The following PCDH7 variants were observed in gnomAD, a reference collection of about 807,000 sequenced individuals.
PCDH7 encodes protocadherin-7.
A neutral mutation model predicts 58.9 loss-of-function variants in PCDH7; 17 were observed. The observed-to-expected ratio is 0.29, with a 90% confidence interval of 0.20 to 0.43. The LOEUF (loss-of-function observed/expected upper bound fraction) is 0.43, where lower values mean the gene tolerates loss of function less well. PCDH7 is among the 20% of genes least tolerant of loss of function. The pLI, the probability that PCDH7 is intolerant of heterozygous loss-of-function variation, is 1.00. For synonymous variants in PCDH7, 664 were observed against 616.4 expected (o/e 1.08, Z -1.14); for missense variants, 1,274 against 1,441.0 (o/e 0.88, Z 1.88).
At chr4:31,071,681 G>A (rs1348725112) in intron 3 of PCDH7, among the ~76,000 whole-genome samples, 1 of 152,024 alleles carries the variant, frequency 6.6e-6, no homozygotes, top group African/African-American at 2.4e-5. Flanking sequence ...TAGTTCATCT[G>A]CAGAGTGGTT....
At chr4:31,020,828 T>C (rs1753966744) in intron 3 of PCDH7, among the ~76,000 whole-genome samples, 2 of 152,206 alleles carry the variant, frequency 1.3e-5, no homozygotes, top group Admixed American at 1.3e-4. Context: ...GCTGTATATA[T>C]TCCCACTGTG....
intron 1 of PCDH7, among the ~76,000 whole-genome samples, chr4:30,849,966 C>A (rs910876177): frequency 1.3e-5 from 2 of 152,022 alleles, no homozygotes; most frequent in East Asian, 1.9e-4. Flanking sequence ...CATTACTTTG[C>A]CTATAGCATA....
downstream of PCDH7, chr4:31,146,001 A>G (rs1046597995): frequency 3.3e-5 from 5 of 152,104 alleles, no homozygotes; most frequent in Admixed American, 6.6e-5. Context: ...GAGTAACTAT[A>G]TAAATTTATG....
chr4:30,720,479 C>A lies in PCDH7; in HGVS notation c.-944C>A, dbSNP rs969281544. 6.5e-6 allele frequency: 1 copy of A among 152,758 alleles called. No homozygotes were observed. The highest frequency in any genetic ancestry group is 1.5e-5 in the Non-Finnish European group (1 of 68,104). The allele number at this position is 152,758 out of a possible 1,614,324, so 9.5% of individuals were successfully genotyped here. Reference sequence around the variant, plus strand: ...ACCCAAACTTGGGCACCGCACGGTGCGCACTGCTCAGCCTTCGCCCCCGTG... The same window carrying A: ...ACCCAAACTTGGGCACCGCACGGTGAGCACTGCTCAGCCTTCGCCCCCGTG... On this transcript the variant is annotated 5_prime_UTR_variant, in exon 1 of 2. It introduces an in-frame stop codon into an upstream open reading frame of the 5' UTR. Coordinates refer to ENST00000361762, the Ensembl canonical transcript of PCDH7. The surrounding 1 kb of genome is among the most constrained non-coding windows in gnomAD (Gnocchi z 4.7).
At chr4:30,813,848 G>A (rs577558530) in intron 1 of PCDH7, among the ~76,000 whole-genome samples, 18 of 152,112 alleles carry the variant, frequency 1.2e-4, no homozygotes, top group African/African-American at 4.1e-4. Context: ...GACCATGTTG[G>A]CCAGGCTGGT....
At chr4:31,103,629 A>G (rs1715181630) in intron 3 of PCDH7, among the ~76,000 whole-genome samples, 1 of 151,822 alleles carries the variant, frequency 6.6e-6, no homozygotes, top group Admixed American at 6.6e-5. Flanking sequence ...GAGCCTCCCA[A>G]TTTCTGTCTT....
intron 3 of PCDH7, among the ~76,000 whole-genome samples, chr4:31,075,273 G>A (rs2109259073): frequency 6.6e-6 from 1 of 152,050 alleles, no homozygotes; most frequent in East Asian, 1.9e-4. Context: ...TACTAATTTT[G>A]GGGATGACAT....
chr4:30,991,597 C>G (rs1218381355), intron 3 of PCDH7, among the ~76,000 whole-genome samples: 2 of 152,078 alleles, frequency 1.3e-5, no homozygotes, highest in Admixed American at 6.6e-5. Flanking sequence ...TTTAGATCCT[C>G]GGGTTCTCAT....
chr4:30,985,534 T>C (rs1750896799), intron 3 of PCDH7, among the ~76,000 whole-genome samples: 1 of 152,220 alleles, frequency 6.6e-6, no homozygotes, highest in African/African-American at 2.4e-5. Context: ...ACTAATTTTG[T>C]GACCTTGGAC....
chr4:31,146,558 GT>G (rs1402035033), downstream of PCDH7: 1 of 151,982 alleles, frequency 6.6e-6, no homozygotes, highest in African/African-American at 2.4e-5. Flanking sequence ...TGTTTGTAAT[GT>G]TAATCATTGA....
chr4:30,928,354 T>C lies in PCDH7; in HGVS notation c.287+7985T>C, dbSNP rs139087074. On this transcript the variant is annotated intron_variant, in intron 2 of 3. Coordinates refer to the PCDH7 transcript ENST00000509759. Reference sequence around the variant, plus strand: ...TGCAGGTTTTTAATAAGTAAAGTATTTTTTGCTTTGCTAATAAAGCAAAGT... The same window carrying C: ...TGCAGGTTTTTAATAAGTAAAGTATCTTTTGCTTTGCTAATAAAGCAAAGT... Among the ~76,000 whole-genome samples the C allele has an allele frequency of 2.0e-5, 3 of 152,312 alleles. No individual in the cohort carries two copies. The East Asian group carries it at 5.8e-4, about 29-fold the overall frequency.
intron 3 of PCDH7, among the ~76,000 whole-genome samples, chr4:31,090,234 C>A (rs921609419): frequency 2.6e-4 from 39 of 151,674 alleles, no homozygotes; most frequent in African/African-American, 9.4e-4. Context: ...TTCTGAAAGA[C>A]TTTATGAAAA....
intron 3 of PCDH7, among the ~76,000 whole-genome samples, chr4:31,136,019 C>G (rs1391504164): frequency 1.3e-5 from 2 of 152,198 alleles, no homozygotes; most frequent in Admixed American, 1.3e-4. Context: ...CATTCTTAAA[C>G]ATTTATTACA....
intron 2 of PCDH7, among the ~76,000 whole-genome samples, chr4:30,923,397 A>C (rs553283815): frequency 1.3e-5 from 2 of 152,284 alleles, no homozygotes; most frequent in African/African-American, 4.8e-5. Flanking sequence ...ATTTTACAAA[A>C]GCGTTATCTT....
chr4:30,815,689 C>A (rs1727585286), intron 1 of PCDH7, among the ~76,000 whole-genome samples: 3 of 152,196 alleles, frequency 2.0e-5, no homozygotes. Context: ...AAAACTCTGC[C>A]ATTTTGCCTC....
chr4:30,849,548 G>A (rs138620666), intron 1 of PCDH7, among the ~76,000 whole-genome samples: 1 of 152,092 alleles, frequency 6.6e-6, no homozygotes, highest in East Asian at 1.9e-4. Context: ...TATGAGTTAG[G>A]TTATTATGAA....
chr4:31,083,060 A>G (rs1711787196), intron 3 of PCDH7, among the ~76,000 whole-genome samples: 1 of 152,134 alleles, frequency 6.6e-6, no homozygotes, highest in Non-Finnish European at 1.5e-5. Context: ...ATGAGCGGAG[A>G]TTGCGCCACT....
intron 1 of PCDH7, among the ~76,000 whole-genome samples, chr4:30,864,641 T>C (rs1734647035): frequency 6.6e-6 from 1 of 152,092 alleles, no homozygotes; most frequent in South Asian, 2.1e-4. Flanking sequence ...TTTGGTATTC[T>C]CTTCAGTGGT....
intron 1 of PCDH7, among the ~76,000 whole-genome samples, chr4:30,885,762 A>C (rs1210525990): frequency 6.6e-6 from 1 of 152,154 alleles, no homozygotes; most frequent in East Asian, 1.9e-4. Context: ...TGGTACTGGT[A>C]CCAAAACAGA....
Sources: gnomAD v4.1 joint callset for allele counts (sites outside exome capture counted in the v4.1 genomes callset) on GRCh38, gnomAD v4.1.1 for gene constraint, Gnocchi (gnomAD v3.1) non-coding constraint, MANE v1.5 for transcripts, NCBI Gene and HGNC (gene_info 2026-07-23, HGNC 2026-07-21) for gene names.